Variants in GRM3 observed in about 807,000 individuals in gnomAD.
The protein encoded by GRM3 is glutamate metabotropic receptor 3.
GRM3 carries 26 observed loss-of-function variants against 70.5 expected under a neutral mutation model. The observed-to-expected ratio is 0.37, with a 90% CI of 0.27 to 0.51. The LOEUF is 0.51. Ranked by LOEUF, GRM3 falls within the 20% of genes least tolerant of loss-of-function variation. GRM3 has a pLI of 0.93. For synonymous variants in GRM3, 443 were observed against 434.9 expected (o/e 1.02, Z -0.23); for missense variants, 859 against 1,123.8 (o/e 0.76, Z 3.37).
intron 3 of GRM3, among the ~76,000 whole-genome samples, chr7:86,815,035 A>G (rs568848987): frequency 2.6e-5 from 4 of 151,800 alleles, no homozygotes; most frequent in African/African-American, 9.6e-5. Context: ...TCTATGTTCA[A>G]TTTAGGACTT....
In GRM3 at chr7:86,722,750, TA is replaced by T. The variant is rs111718336; in HGVS notation, c.-140-42248del. On this transcript the variant is annotated intron_variant, in intron 1 of 5. Coordinates refer to ENST00000361669, the MANE Select transcript of GRM3 (RefSeq NM_000840.3). Reference sequence around the variant, plus strand: ...ATGTATCCTAGAACTTAAAATATGATAAAAAAAATCCACATATAAGCAAAAA... The same window carrying T: ...ATGTATCCTAGAACTTAAAATATGATAAAAAAATCCACATATAAGCAAAAA... Among the ~76,000 whole-genome samples, 479 of 151,834 alleles carry T rather than the reference TA, an allele frequency of 3.2e-3. 1 individual carries two copies. Among genetic ancestry groups the T allele is most frequent in the African/African-American group, 6.8e-3 (281 of 41,392 alleles).
intron 1 of GRM3, among the ~76,000 whole-genome samples, chr7:86,653,330 C>G (rs1793654332): frequency 6.6e-6 from 1 of 152,190 alleles, no homozygotes; most frequent in Non-Finnish European, 1.5e-5. Context: ...TGGAGCAACA[C>G]AAATATTCGG....
At position 86,786,729 on chromosome 7, in the gene GRM3, A is replaced by T. The variant is rs1562863627; in HGVS notation, c.937A>T (p.Ser313Cys). 6.2e-7 allele frequency: 1 copy of T among 1,613,466 alleles called. No homozygotes were observed. Among genetic ancestry groups the T allele is most frequent in the East Asian group, 2.2e-5 (1 of 44,884 alleles). ...WGAQESIIKG[S>C]EHVAYGAITL... ...CGCGCAGGAGAGCATCATCAAGGGC[A>T]GCGAGCATGTGGCCTACGGCGCCAT... Residue 313 changes from serine to cysteine, a missense_variant, in exon 3 of 6, where the codon AGC becomes TGC. By Grantham distance (112) the Ser-to-Cys change is moderately radical. Coordinates refer to ENST00000361669, the MANE Select transcript of GRM3 (RefSeq NM_000840.3). The surrounding 1 kb of genome is among the most constrained non-coding windows in gnomAD (Gnocchi z 6.0).
At chr7:86,816,806 AATTTACAGCCTAATAAGCAGTAAG>A (rs1798025725) in intron 3 of GRM3, among the ~76,000 whole-genome samples, 1 of 151,988 alleles carries the variant, frequency 6.6e-6, no homozygotes, top group South Asian at 2.1e-4. Context: ...TACCTTCAAG[AATTTACAGCCTAATAAGCAGTAAG>A]ATTTACGAGT....
intron 3 of GRM3, among the ~76,000 whole-genome samples, chr7:86,816,900 A>G (rs1349221722): frequency 6.6e-6 from 1 of 151,414 alleles, no homozygotes; most frequent in African/African-American, 2.4e-5. Flanking sequence ...AGTGTATTTA[A>G]ACTGACAGGA....
chr7:86,730,066 A>C (rs1182555298), intron 1 of GRM3, among the ~76,000 whole-genome samples: 1 of 151,234 alleles, frequency 6.6e-6, no homozygotes, highest in Non-Finnish European at 1.5e-5. Context: ...GTGAGCCAAG[A>C]TCACACCATT....
intron 3 of GRM3, among the ~76,000 whole-genome samples, chr7:86,824,056 A>C (rs57384334): frequency 0.12 from 17,577 of 152,160 alleles, 1,098 homozygotes; most frequent in African/African-American, 0.15. Context: ...AAAGGAGCGC[A>C]TGAAGACGAC....
intron 1 of GRM3, among the ~76,000 whole-genome samples, chr7:86,694,511 CAA>C (rs1226119828): frequency 0.036 from 1,354 of 37,710 alleles, 29 homozygotes; most frequent in African/African-American, 0.13. Flanking sequence ...GACTCTGTCT[CAA>C]AAAAAAAAAA....
chr7:86,748,774 T>C (rs1216948555), intron 1 of GRM3, among the ~76,000 whole-genome samples: 4 of 152,074 alleles, frequency 2.6e-5, no homozygotes, highest in African/African-American at 9.7e-5. Context: ...ACTGTCCTGT[T>C]GTTCACTGAT....
At chr7:86,713,026 T>A (rs904756283) in intron 1 of GRM3, among the ~76,000 whole-genome samples, 3 of 152,090 alleles carry the variant, frequency 2.0e-5, no homozygotes, top group African/African-American at 4.8e-5. Context: ...GGTGGTTCTA[T>A]ATTTAGCTTT....
intron 1 of GRM3, among the ~76,000 whole-genome samples, chr7:86,752,900 T>C (rs1236606349): frequency 6.6e-6 from 1 of 152,070 alleles, no homozygotes; most frequent in Non-Finnish European, 1.5e-5. Flanking sequence ...GGAGTAAGGA[T>C]GCTAACATTT....
chr7:86,731,134 G>T (rs1296464988), intron 1 of GRM3, among the ~76,000 whole-genome samples: 2 of 152,116 alleles, frequency 1.3e-5, no homozygotes, highest in African/African-American at 2.4e-5. Flanking sequence ...AACCTCTGTA[G>T]AGCTATGACC....
intron 3 of GRM3, among the ~76,000 whole-genome samples, chr7:86,792,068 C>T (rs1237172025): frequency 6.6e-6 from 1 of 152,092 alleles, no homozygotes; most frequent in African/African-American, 2.4e-5. Context: ...CTATGCAATA[C>T]AGTTAAGAAA....
intron 2 of GRM3, among the ~76,000 whole-genome samples, chr7:86,780,650 G>T (rs1797027539): frequency 6.6e-6 from 1 of 152,130 alleles, no homozygotes; most frequent in Non-Finnish European, 1.5e-5. Flanking sequence ...TAAGGCCATT[G>T]TGTTTCTCAC....
chr7:86,699,325 T>TA (rs1172561361), intron 1 of GRM3, among the ~76,000 whole-genome samples: 3 of 152,086 alleles, frequency 2.0e-5, no homozygotes, highest in South Asian at 2.1e-4. Context: ...CCTTGTGAGT[T>TA]ATAAGTCAAT....
rs138342483 is a variant in GRM3 at position 86,808,395 on chromosome 7, A to T, written c.1324+21279A>T. 8.1e-3 allele frequency among the ~76,000 whole-genome samples: 1,232 copies of T among 151,740 alleles called. 16 individuals carry two copies. The highest frequency in any genetic ancestry group is 0.028 in the African/African-American group (1,175 of 41,422). ...TGGTCCTGGACTTTTTTTTGGTTGG[A>T]TATTGCAGACCTTTTTACATAAGTC... On this transcript the variant is annotated intron_variant, in intron 3 of 5. Coordinates refer to ENST00000361669, the MANE Select transcript of GRM3 (RefSeq NM_000840.3).
rs771736585 is a variant in GRM3 at position 86,765,629 on chromosome 7, GC to G, written c.468+17del. The G allele has an allele frequency of 3.1e-6, 5 of 1,601,408 alleles. No individual in the cohort carries two copies. The African/African-American group carries it at 6.7e-5, about 21-fold the overall frequency. On this transcript the variant is annotated intron_variant, in intron 2 of 5. Transcript: ENST00000361669. ...TTCCATACAGGTAAGATTGGCTAATGCTATTGCTAAAAGGCTGTATCTCTTT... is the reference window on the plus strand; with the variant it reads ...TTCCATACAGGTAAGATTGGCTAATGTATTGCTAAAAGGCTGTATCTCTTT...
chr7:86,851,909 A>G (rs571765688), intron 5 of GRM3, among the ~76,000 whole-genome samples: 9 of 152,326 alleles, frequency 5.9e-5, no homozygotes, highest in South Asian at 2.1e-4. Flanking sequence ...AGAACTGTCA[A>G]TAACTAATAA....
chr7:86,790,893 C>G (rs1584246684), intron 3 of GRM3, among the ~76,000 whole-genome samples: 2 of 152,106 alleles, frequency 1.3e-5, no homozygotes, highest in South Asian at 4.1e-4. Context: ...GCCCCTATTT[C>G]CCTTGTACCC....
Sources: allele counts gnomAD v4.1 joint callset (sites outside exome capture counted in the v4.1 genomes callset), GRCh38; gene constraint gnomAD v4.1.1; non-coding constraint Gnocchi (gnomAD v3.1); transcripts MANE v1.5; gene names NCBI Gene and HGNC (gene_info 2026-07-23, HGNC 2026-07-21).